Variants in SBF2 observed in about 807,000 individuals in gnomAD.
SBF2 encodes the protein SET binding factor 2.
In SBF2, 112 loss-of-function variants were observed where a neutral mutation model predicts 225.2. The observed-to-expected ratio is 0.50, with a 90% CI of 0.43 to 0.58. SBF2 has a LOEUF of 0.58. Ranked by LOEUF, SBF2 falls within the 20% of genes least tolerant of loss-of-function variation. SBF2 has a pLI of 0.00. For synonymous variants in SBF2, 763 were observed against 773.3 expected (o/e 0.99, Z 0.22); for missense variants, 1,996 against 2,206.2 (o/e 0.90, Z 1.91).
intron 5 of SBF2, 56 bp downstream of exon 5, chr11:10,029,709 T>C (rs1949182732): frequency 9.1e-7 from 1 of 1,092,898 alleles, no homozygotes. Flanking sequence ...TTAAATTAAC[T>C]GGAGGAGAGG....
At chr11:10,141,987 C>T (rs142596913) in intron 2 of SBF2, among the ~76,000 whole-genome samples, 4 of 152,226 alleles carry the variant, frequency 2.6e-5, no homozygotes, top group African/African-American at 9.6e-5. Context: ...GAGCTCTGCA[C>T]CTCTTCTTAG....
chr11:9,812,612 C>A lies in SBF2; in HGVS notation c.4075G>T (p.Ala1359Ser), dbSNP rs545056135. The change falls in exon 30 of 40, where the codon GCT becomes TCT. Residue 1359 changes from alanine to serine, a missense_variant. Transcript: ENST00000256190. ...VKASFKKLMR[A>S]CIPSTIPTDS... Reference sequence around the variant, plus strand: ...GTAGGGATGGTGCTTGGGATACAAGCCCTCATCAGCTTCTTAAAACTGGCT... The same window carrying A: ...GTAGGGATGGTGCTTGGGATACAAGACCTCATCAGCTTCTTAAAACTGGCT... 1 of 1,614,180 alleles carries A rather than the reference C, an allele frequency of 6.2e-7. No individual in the cohort carries two copies. The highest frequency in any genetic ancestry group is 2.2e-5 in the East Asian group (1 of 44,878).
chr11:10,101,260 C>T (rs1952290436), intron 2 of SBF2, among the ~76,000 whole-genome samples: 1 of 152,160 alleles, frequency 6.6e-6, no homozygotes, highest in Non-Finnish European at 1.5e-5. Flanking sequence ...TCCCTCCCCG[C>T]CTGGAGTGAA....
intron 1 of SBF2, among the ~76,000 whole-genome samples, chr11:10,265,525 CAG>C (rs1961903949): frequency 2.7e-5 from 4 of 147,956 alleles, no homozygotes; most frequent in Non-Finnish European, 4.5e-5. Context: ...GGTATCAACA[CAG>C]GGTATCTTTT....
At chr11:10,163,785 A>T (rs1000877705) in intron 2 of SBF2, among the ~76,000 whole-genome samples, 1 of 152,166 alleles carries the variant, frequency 6.6e-6, no homozygotes, top group East Asian at 1.9e-4. Context: ...TAGTATATGA[A>T]GTTTATCCCC....
At chr11:9,803,313 CTT>C (rs1369924500) in intron 32 of SBF2, among the ~76,000 whole-genome samples, 1 of 151,806 alleles carries the variant, frequency 6.6e-6, no homozygotes, top group East Asian at 1.9e-4. Context: ...TTTTAATTAA[CTT>C]AGCCTTTTGT....
intron 34 of SBF2, among the ~76,000 whole-genome samples, chr11:9,789,943 C>G (rs1013626936): frequency 2.0e-5 from 3 of 152,348 alleles, no homozygotes; most frequent in African/African-American, 7.2e-5. Flanking sequence ...GTTTCTTGTA[C>G]TGCTCACCTC....
intron 16 of SBF2, among the ~76,000 whole-genome samples, chr11:9,956,324 A>G (rs190676979): frequency 1.6e-3 from 243 of 152,326 alleles, no homozygotes; most frequent in African/African-American, 5.6e-3. Flanking sequence ...TTATAAGATA[A>G]TGACCAATAA....
intron 6 of SBF2, among the ~76,000 whole-genome samples, chr11:10,009,207 A>G (rs886522779): frequency 9.2e-5 from 14 of 152,240 alleles, no homozygotes; most frequent in African/African-American, 3.4e-4. Flanking sequence ...ATTGTCATAT[A>G]TAACATTTAA....
Position 9,780,167 on chromosome 11 carries a change from A to G in SBF2, c.*251T>C, listed in dbSNP as rs1460986644. On this transcript the variant is annotated 3_prime_UTR_variant, in exon 40 of 40. Transcript: ENST00000256190. ...TTGGCTCAGGAGACATCTTCTGATC[A>G]TTAACCACTAAGACCCTGTTAGAAA... The G allele has an allele frequency of 2.0e-6, 1 of 498,764 alleles. No homozygotes were observed. The highest frequency in any genetic ancestry group is 3.7e-6 in the Non-Finnish European group (1 of 272,372). The allele number at this position is 498,764 out of a possible 1,614,324, so 30.9% of individuals were successfully genotyped here.
At chr11:10,296,407 A>G (rs1245968626), upstream of SBF2, among the ~76,000 whole-genome samples, 1 of 152,178 alleles carries the variant, frequency 6.6e-6, no homozygotes, top group East Asian at 1.9e-4. Context: ...AGCGGCAGAC[A>G]AGAGAGCTTA....
intron 2 of SBF2, among the ~76,000 whole-genome samples, chr11:10,057,492 G>A (rs544816424): frequency 6.6e-6 from 1 of 152,156 alleles, no homozygotes; most frequent in Non-Finnish European, 1.5e-5. Context: ...ATCAGACAGG[G>A]AACCCCTGGC....
intron 16 of SBF2, chr11:9,959,450 T>A: frequency 2.9e-6 from 3 of 1,046,096 alleles, no homozygotes; most frequent in Non-Finnish European, 4.5e-6. Context: ...ACCATGTCCC[T>A]TATCCGTTTA....
At chr11:10,003,957 T>C (rs1948082119) in intron 6 of SBF2, among the ~76,000 whole-genome samples, 1 of 152,188 alleles carries the variant, frequency 6.6e-6, no homozygotes. Flanking sequence ...AAATACTATA[T>C]TTTCCCTTTA....
intron 2 of SBF2, among the ~76,000 whole-genome samples, chr11:10,054,702 T>A (rs1950189453): frequency 2.0e-5 from 3 of 151,828 alleles, no homozygotes; most frequent in Non-Finnish European, 4.4e-5. Flanking sequence ...GAAACTTAAA[T>A]CAGCAAGAAG....
intron 16 of SBF2, chr11:9,959,752 C>T (rs1866436435): frequency 1.5e-5 from 10 of 656,570 alleles, no homozygotes; most frequent in Non-Finnish European, 2.9e-5. Context: ...CTGCTTGACG[C>T]CTCTGTTTAA....
chr11:9,839,364 G>A (rs1248501907), intron 26 of SBF2, 134 bp downstream of exon 26: 25 of 879,016 alleles, frequency 2.8e-5, no homozygotes, highest in African/African-American at 8.2e-5. Context: ...ATGCTTGCTC[G>A]TATCCTGGAG....
chr11:9,847,157 A>G, intron 22 of SBF2, 74 bp from the exon 23 acceptor site: 2 of 1,556,762 alleles, frequency 1.3e-6, no homozygotes, highest in Non-Finnish European at 1.8e-6. Context: ...TGCTTACTTC[A>G]TCAGTCTCTG....
At chr11:10,294,292 G>C (rs1369936820), upstream of SBF2, 3 of 360,162 alleles carry the variant, frequency 8.3e-6, no homozygotes, top group African/African-American at 6.4e-5. Flanking sequence ...CCAAGCCCGG[G>C]CGGCGAGCCC....
Sources: allele counts gnomAD v4.1 joint callset (sites outside exome capture counted in the v4.1 genomes callset), GRCh38; gene constraint gnomAD v4.1.1; transcripts MANE v1.5; gene names NCBI Gene and HGNC (gene_info 2026-07-23, HGNC 2026-07-21).